Variants in CLUL1 observed in about 807,000 individuals in gnomAD.
CLUL1 encodes the protein clusterin-like protein 1.
In CLUL1, 43 loss-of-function variants were observed where a neutral mutation model predicts 49.4. The observed-to-expected ratio is 0.87, with a 90% CI of 0.68 to 1.12. The LOEUF is 1.12. Among genes scored for constraint, CLUL1 ranks in the 50% most tolerant of loss-of-function variants. CLUL1 has a pLI of 0.00. For synonymous variants in CLUL1, 192 were observed against 184.9 expected, an observed-to-expected ratio of 1.04 and a Z score of -0.31; for missense variants, 486 against 544.4, an observed-to-expected ratio of 0.89 and a Z score of 1.07.
chr18:645,313 C>A, intron 9 of CLUL1: 1 of 427,754 alleles, frequency 2.3e-6, no homozygotes, highest in South Asian at 5.6e-5. Context: ...TGGGAATTCT[C>A]ATATATCATG....
At chr18:629,449 C>A (rs2073921797) in intron 6 of CLUL1, among the ~76,000 whole-genome samples, 1 of 152,180 alleles carries the variant, frequency 6.6e-6, no homozygotes, top group Non-Finnish European at 1.5e-5. Context: ...CCCATGTGCA[C>A]AGGACTGTCA....
intron 1 of CLUL1, among the ~76,000 whole-genome samples, chr18:602,778 A>G (rs546787583): frequency 6.6e-6 from 1 of 152,206 alleles, no homozygotes; most frequent in Non-Finnish European, 1.5e-5. Context: ...ACTGAAGGAT[A>G]AGAAACAAAG....
At chr18:601,758 G>A (rs887319265) in intron 1 of CLUL1, among the ~76,000 whole-genome samples, 12 of 151,512 alleles carry the variant, frequency 7.9e-5, no homozygotes, top group Admixed American at 2.6e-4. Context: ...GCAGTGGGAC[G>A]AGATCGTGCC....
chr18:642,592 G>A (rs1477980374), intron 8 of CLUL1, among the ~76,000 whole-genome samples: 1 of 152,162 alleles, frequency 6.6e-6, no homozygotes, highest in East Asian at 1.9e-4. Context: ...AAATGCGCCA[G>A]GCTAGTGATT....
intron 8 of CLUL1, among the ~76,000 whole-genome samples, chr18:643,545 T>G (rs1329583069): frequency 6.6e-6 from 1 of 152,242 alleles, no homozygotes; most frequent in Non-Finnish European, 1.5e-5. Flanking sequence ...TTTAGTTGTT[T>G]TTACCATTGT....
chr18:599,417 C>T (rs2072755452), intron 1 of CLUL1, among the ~76,000 whole-genome samples: 1 of 152,164 alleles, frequency 6.6e-6, no homozygotes, highest in Admixed American at 6.5e-5. Context: ...AAATTTCTAA[C>T]ATGGTGGTGC....
intron 6 of CLUL1, among the ~76,000 whole-genome samples, chr18:631,372 C>CA (rs35152568): frequency 0.44 from 66,138 of 151,556 alleles, 14,940 homozygotes; most frequent in East Asian, 0.76. Context: ...TTGACCCGTG[C>CA]GGGGGCCGGG....
chr18:627,725 A>G (rs879389604), intron 6 of CLUL1, among the ~76,000 whole-genome samples, 196 bp downstream of exon 6: 2 of 152,138 alleles, frequency 1.3e-5, no homozygotes, highest in Non-Finnish European at 2.9e-5. Context: ...CATCGTTGAG[A>G]ACTGAACTCT....
chr18:646,493 G>GACACACAC (rs1305065837), intron 9 of CLUL1, among the ~76,000 whole-genome samples: 3 of 104,412 alleles, frequency 2.9e-5, no homozygotes, highest in Non-Finnish European at 5.9e-5. Context: ...AAGACAGATA[G>GACACACAC]ATAGACACAC....
At chr18:630,217 T>A (rs993198942) in intron 6 of CLUL1, among the ~76,000 whole-genome samples, 4 of 152,168 alleles carry the variant, frequency 2.6e-5, no homozygotes, top group Non-Finnish European at 5.9e-5. Flanking sequence ...TAAGTGATTC[T>A]CCTGCCTCAG....
chr18:624,812 G>A, intron 4 of CLUL1, 53 bp from the exon 5 acceptor site: 1 of 1,551,790 alleles, frequency 6.4e-7, no homozygotes, highest in East Asian at 2.2e-5. Flanking sequence ...ATCAACTAAG[G>A]TGCACATAGA....
intron 4 of CLUL1, among the ~76,000 whole-genome samples, chr18:620,647 A>G (rs1286437843): frequency 6.6e-6 from 1 of 152,202 alleles, no homozygotes; most frequent in African/African-American, 2.4e-5. Context: ...CATCAGCCTA[A>G]TCACTTTTTC....
chr18:631,324 C>A (rs1441104627), intron 6 of CLUL1, among the ~76,000 whole-genome samples: 3 of 152,010 alleles, frequency 2.0e-5, no homozygotes, highest in African/African-American at 7.2e-5. Context: ...CCTTATGAAT[C>A]CCTGGAAGGA....
chr18:619,187 A>G (rs372485307), intron 3 of CLUL1, 26 bp from the exon 4 acceptor site: 138 of 1,606,634 alleles, frequency 8.6e-5, no homozygotes, highest in Non-Finnish European at 1.1e-4. Flanking sequence ...CAGATCTCAA[A>G]GAAAAAATTG....
At chr18:607,170 C>G (rs2072997030) in intron 2 of CLUL1, 71 bp downstream of exon 2, 2 of 694,742 alleles carry the variant, frequency 2.9e-6, no homozygotes, top group South Asian at 3.0e-5. Flanking sequence ...CTCTGTCACC[C>G]AGGCCAGAAT....
chr18:645,214 A>G (rs2074440578), intron 9 of CLUL1, 117 bp downstream of exon 9: 1 of 716,410 alleles, frequency 1.4e-6, no homozygotes, highest in South Asian at 3.6e-5. Flanking sequence ...ATTAATAAAG[A>G]CATGAAAACA....
intron 5 of CLUL1, among the ~76,000 whole-genome samples, chr18:626,257 C>T (rs1176556676): frequency 6.6e-5 from 10 of 152,126 alleles, no homozygotes; most frequent in African/African-American, 2.4e-4. Context: ...GGATTACAGG[C>T]GCCCACCACC....
chr18:617,931 C>A (rs2073350204), intron 2 of CLUL1, 57 bp from the exon 3 acceptor site: 4 of 1,444,694 alleles, frequency 2.8e-6, no homozygotes, highest in Admixed American at 3.9e-5. Flanking sequence ...TCAATTGATG[C>A]CAACAGAAAC....
In CLUL1 at chr18:619,297, A is replaced by G; in HGVS notation, c.191A>G (p.Glu64Gly). 1 of 1,614,108 alleles carries G rather than the reference A, an allele frequency of 6.2e-7. No homozygotes were observed. Among genetic ancestry groups the G allele is most frequent in the Non-Finnish European group, 8.5e-7 (1 of 1,179,956 alleles). Residue 64 changes from glutamate to glycine, a missense_variant, in exon 4 of 10, where the codon GAA (glutamate) becomes GGA (glycine). By Grantham distance (98) the Glu-to-Gly change is moderately conservative (BLOSUM62 -2). Coordinates refer to ENST00000692774, the MANE Select transcript of CLUL1 (RefSeq NM_001393344.1). ...TGIKQMKIMM[E>G]RKEKEHTNLM... is the part of the protein sequence containing the mutation. Reference sequence around the variant, plus strand: ...ATTAAGCAAATGAAAATCATGATGGAAAGAAAAGAGAAGGAACACACCAAT... The same window carrying G: ...ATTAAGCAAATGAAAATCATGATGGGAAGAAAAGAGAAGGAACACACCAAT...
Sources: allele counts gnomAD v4.1 joint callset (sites outside exome capture counted in the v4.1 genomes callset), GRCh38; gene constraint gnomAD v4.1.1; transcripts MANE v1.5; gene names NCBI Gene and HGNC (gene_info 2026-07-23, HGNC 2026-07-21).